Variants in DOCK5 observed in about 807,000 individuals in gnomAD.
DOCK5 encodes dedicator of cytokinesis 5.
Under a neutral mutation model 251.8 loss-of-function variants are expected in DOCK5, and 142 were observed. That is an observed-to-expected ratio of 0.56 (90% CI 0.49 to 0.65). The LOEUF is 0.65. DOCK5 is among the 30% of genes least tolerant of loss of function. The probability of loss-of-function intolerance (pLI) is 0.00; values close to 1 mark genes in which losing one functional copy is unlikely to be tolerated. For missense variants in DOCK5, 2,111 were observed against 2,312.3 expected, an observed-to-expected ratio of 0.91 and a Z score of 1.79; for synonymous variants, 842 against 835.5, an observed-to-expected ratio of 1.01 and a Z score of -0.13.
intron 1 of DOCK5, among the ~76,000 whole-genome samples, chr8:25,237,695 G>A (rs1802837544): frequency 6.6e-6 from 1 of 152,198 alleles, no homozygotes; most frequent in Admixed American, 6.5e-5. Context: ...GGCAGCCAGC[G>A]AGGCAACGTA....
In DOCK5 at chr8:25,243,619, G is replaced by A. The variant is rs184284715; in HGVS notation, c.44-55G>A. 176 of 1,540,984 alleles carry A rather than the reference G, an allele frequency of 1.1e-4. No homozygotes were observed. The African/African-American group carries it at 1.9e-3, about 17-fold the overall frequency. ...GCTGAGATTATAGGCGTGAGCCACC[G>A]TGCCCAGCCAAGTGACATGCATTCT... is the stretch of plus-strand genomic sequence containing the variant. On this transcript the variant is annotated intron_variant, in intron 1 of 51. Transcript: ENST00000276440.
intron 2 of DOCK5, among the ~76,000 whole-genome samples, chr8:25,257,254 T>C (rs1803443871): frequency 6.6e-6 from 1 of 152,174 alleles, no homozygotes; most frequent in Admixed American, 6.5e-5. Flanking sequence ...CATCCCTCTC[T>C]ATGCCAGGCA....
intron 12 of DOCK5, among the ~76,000 whole-genome samples, 195 bp from the exon 13 acceptor site, chr8:25,310,212 T>G (rs1221131041): frequency 6.6e-6 from 1 of 151,172 alleles, no homozygotes; most frequent in East Asian, 1.9e-4. Flanking sequence ...TCTGTTCACA[T>G]CTCTGTCAAA....
chr8:25,300,437 C>A, intron 8 of DOCK5, 139 bp from the exon 9 acceptor site: 1 of 693,284 alleles, frequency 1.4e-6, no homozygotes, highest in Non-Finnish European at 2.4e-6. Context: ...CCCAACTCAG[C>A]TGTTTTCACA....
At chr8:25,305,997 A>C (rs1215133088) in intron 11 of DOCK5, among the ~76,000 whole-genome samples, 1 of 152,160 alleles carries the variant, frequency 6.6e-6, no homozygotes, top group African/African-American at 2.4e-5. Flanking sequence ...TGTTAAGTCC[A>C]CACCTTCGGA....
intron 1 of DOCK5, among the ~76,000 whole-genome samples, chr8:25,208,256 C>T (rs1184456166): frequency 6.6e-6 from 1 of 152,102 alleles, no homozygotes; most frequent in Non-Finnish European, 1.5e-5. Context: ...TTGTTGACAA[C>T]CAAGGATTTA....
rs192389682 is a variant in DOCK5 at position 25,368,951 on chromosome 8, G to A, written c.3438+226G>A. Among the ~76,000 whole-genome samples, 93 of 152,326 alleles carry A rather than the reference G, an allele frequency of 6.1e-4. 1 individual carries two copies. The highest frequency in any genetic ancestry group is 2.1e-3 in the African/African-American group (87 of 41,582). ...ACATGTCTTTCCTAAGGCAACACCT[G>A]TCTGTAGAAAATTAAAGGAAGTTAA... is the stretch of plus-strand genomic sequence containing the variant. On this transcript the variant is annotated intron_variant, in intron 33 of 51. Coordinates refer to ENST00000276440, the MANE Select transcript of DOCK5 (RefSeq NM_024940.8).
At chr8:25,222,296 T>C (rs1047299647) in intron 1 of DOCK5, among the ~76,000 whole-genome samples, 1 of 152,208 alleles carries the variant, frequency 6.6e-6, no homozygotes, top group African/African-American at 2.4e-5. Flanking sequence ...GACCATACTC[T>C]TGAGGGCCAT....
At chr8:25,323,787 C>G in intron 16 of DOCK5, 61 bp from the exon 17 acceptor site, 1 of 1,555,426 alleles carries the variant, frequency 6.4e-7, no homozygotes, top group Non-Finnish European at 8.8e-7. Flanking sequence ...GAAATCGTGT[C>G]ATAGCCATCG....
chr8:25,387,322 G>A (rs1029841450), intron 40 of DOCK5, among the ~76,000 whole-genome samples: 1 of 152,092 alleles, frequency 6.6e-6, no homozygotes, highest in African/African-American at 2.4e-5. Flanking sequence ...GGGATTACAG[G>A]TGTGCACCAT....
chr8:25,192,215 G>C (rs1586215727), intron 1 of DOCK5, among the ~76,000 whole-genome samples: 1 of 1,416 alleles, frequency 7.1e-4, no homozygotes, highest in Non-Finnish European at 7.0e-3. Flanking sequence ...TATTGTGAAT[G>C]TGCCACAATA....
At chr8:25,275,829 C>G (rs1159072396) in intron 4 of DOCK5, among the ~76,000 whole-genome samples, 1 of 151,772 alleles carries the variant, frequency 6.6e-6, no homozygotes, top group African/African-American at 2.4e-5. Context: ...GAGCAAGACT[C>G]TCTCTCAAAA....
chr8:25,184,946 G>T lies in DOCK5; in HGVS notation c.38G>T (p.Gly13Val). ...RWIPTKRQKY[G>V]VAIYNYNASQ... ...ATCCCGACCAAGAGGCAGAAGTACG[G>T]GGTTGGTGAGTGCGCGCCCCACCTT... is the stretch of plus-strand genomic sequence containing the variant. Residue 13 changes from glycine (G) to valine (V), a missense_variant, in exon 1 of 52, where the codon GGG (glycine) becomes GTG (valine). Gly to Val is a moderately radical substitution (Grantham distance 109, BLOSUM62 -3). Transcript: ENST00000276440. 7.0e-7 allele frequency: 1 copy of T among 1,435,996 alleles called. No individual in the cohort carries two copies. Among genetic ancestry groups the T allele is most frequent in the Non-Finnish European group, 9.2e-7 (1 of 1,086,000 alleles). The allele number at this position is 1,435,996 out of a possible 1,614,324, so 89.0% of individuals were successfully genotyped here.
chr8:25,204,221 C>T (rs565559053), intron 1 of DOCK5, among the ~76,000 whole-genome samples: 2 of 152,230 alleles, frequency 1.3e-5, no homozygotes, highest in African/African-American at 4.8e-5. Flanking sequence ...GTCGATACAA[C>T]ATAATGAGAC....
intron 51 of DOCK5, among the ~76,000 whole-genome samples, chr8:25,410,968 T>TGCGC (rs1801616769): frequency 3.5e-5 from 1 of 28,234 alleles, no homozygotes; most frequent in African/African-American, 1.2e-4. Flanking sequence ...TGTGTGTGTG[T>TGCGC]GTGTGCGCGC....
chr8:25,336,636 A>G (rs1289857369), intron 22 of DOCK5, among the ~76,000 whole-genome samples: 2 of 152,350 alleles, frequency 1.3e-5, no homozygotes, highest in African/African-American at 4.8e-5. Context: ...GATTGTACCT[A>G]ATACAGCAGA....
chr8:25,340,825 A>G (rs1805935340), intron 22 of DOCK5, 52 bp from the exon 23 acceptor site: 1 of 1,468,280 alleles, frequency 6.8e-7, no homozygotes. Context: ...TCTATTTTAA[A>G]ATTTCTTTTA....
intron 2 of DOCK5, among the ~76,000 whole-genome samples, chr8:25,249,375 TA>T (rs1246106993): frequency 6.6e-6 from 1 of 152,186 alleles, no homozygotes; most frequent in Non-Finnish European, 1.5e-5. Context: ...TTTACTTATT[TA>T]AAGTATACAA....
At chr8:25,226,761 A>G (rs1294338639) in intron 1 of DOCK5, among the ~76,000 whole-genome samples, 2 of 151,552 alleles carry the variant, frequency 1.3e-5, no homozygotes, top group Non-Finnish European at 2.9e-5. Context: ...AATTTTTTGT[A>G]TTTTTAGTAG....
Sources: gnomAD v4.1 joint callset for allele counts (sites outside exome capture counted in the v4.1 genomes callset) on GRCh38, gnomAD v4.1.1 for gene constraint, MANE v1.5 for transcripts, NCBI Gene and HGNC (gene_info 2026-07-23, HGNC 2026-07-21) for gene names.